TCAIM: variants seen among roughly 807,000 people sequenced by gnomAD.
TCAIM encodes the protein T cell activation inhibitor, mitochondrial.
A neutral mutation model predicts 58.6 loss-of-function variants in TCAIM; 36 were observed. The observed-to-expected ratio is 0.61, with a 90% CI of 0.47 to 0.81. The LOEUF (loss-of-function observed/expected upper bound fraction) is 0.81. Among genes scored for constraint, TCAIM ranks in the 30% least tolerant of loss-of-function variants. The pLI is 0.00. For synonymous variants in TCAIM, 172 were observed against 193.6 expected, an observed-to-expected ratio of 0.89 and a Z score of 0.93; for missense variants, 466 against 579.6, an observed-to-expected ratio of 0.80 and a Z score of 2.01.
intron 4 of TCAIM, among the ~76,000 whole-genome samples, chr3:44,367,170 GGGAT>G (rs1397536791): frequency 5.9e-5 from 9 of 152,186 alleles, no homozygotes; most frequent in African/African-American, 2.2e-4. Context: ...TTGGTGGGCT[GGGAT>G]GGGTTTGGTC....
intron 5 of TCAIM, among the ~76,000 whole-genome samples, chr3:44,374,234 A>G (rs992898781): frequency 2.0e-5 from 3 of 150,854 alleles, no homozygotes; most frequent in African/African-American, 7.3e-5. Context: ...ATTACAAGTG[A>G]TAATGCACAA....
Position 44,346,064 on chromosome 3 carries a change from G to A in TCAIM, c.-45+7230G>A, listed in dbSNP as rs540457999. ...GCTCAAATGGGCTGTACCCTGTAGC[G>A]TCCCGAGGACAGGCCCGAATTCTGA... On this transcript the variant is annotated intron_variant, in intron 1 of 10. Transcript: ENST00000342649. Among the ~76,000 whole-genome samples the A allele has an allele frequency of 1.2e-4, 19 of 152,304 alleles. No homozygotes were observed. The East Asian group carries it at 2.7e-3, about 22-fold the overall frequency.
intron 1 of TCAIM, among the ~76,000 whole-genome samples, chr3:44,343,902 GTAGTT>G (rs769107032): frequency 2.3e-4 from 35 of 151,918 alleles, no homozygotes; most frequent in Non-Finnish European, 4.7e-4. Context: ...TTTCTCAGTA[GTAGTT>G]TAGTTATACT....
At chr3:44,400,210 G>T in intron 8 of TCAIM, 145 bp from the exon 9 acceptor site, 1 of 643,540 alleles carries the variant, frequency 1.6e-6, no homozygotes, top group Non-Finnish European at 2.6e-6. Flanking sequence ...ATTACATTAA[G>T]TTTTTTTATC....
At chr3:44,396,938 G>A in intron 8 of TCAIM, 104 bp downstream of exon 8, 1 of 1,162,780 alleles carries the variant, frequency 8.6e-7, no homozygotes, top group Non-Finnish European at 1.2e-6. Flanking sequence ...TTGTGTTTTT[G>A]TTTTTGTTTT....
intron 3 of TCAIM, among the ~76,000 whole-genome samples, chr3:44,360,176 CT>C (rs893612262): frequency 6.6e-6 from 1 of 152,020 alleles, no homozygotes; most frequent in Admixed American, 6.6e-5. Flanking sequence ...CCCTGCAGTA[CT>C]TGTTTTTTTT....
At chr3:44,366,415 GTA>G (rs1701375140) in intron 4 of TCAIM, among the ~76,000 whole-genome samples, 1 of 141,556 alleles carries the variant, frequency 7.1e-6, no homozygotes, top group Non-Finnish European at 1.5e-5. Flanking sequence ...AGCCTCCCGA[GTA>G]CTTGGGATTA....
chr3:44,373,096 A>G (rs1464417679), intron 5 of TCAIM, among the ~76,000 whole-genome samples: 10 of 152,152 alleles, frequency 6.6e-5, no homozygotes, highest in Admixed American at 3.3e-4. Context: ...ATAAGAAATC[A>G]TAAAAATAAA....
At chr3:44,370,317 G>T (rs925878660) in intron 5 of TCAIM, among the ~76,000 whole-genome samples, 9 of 151,972 alleles carry the variant, frequency 5.9e-5, no homozygotes, top group Admixed American at 2.6e-4. Flanking sequence ...AAAAATTAGC[G>T]TGGTGGTGGG....
intron 5 of TCAIM, among the ~76,000 whole-genome samples, chr3:44,391,602 G>A (rs1701837765): frequency 1.3e-5 from 2 of 152,168 alleles, no homozygotes; most frequent in African/African-American, 2.4e-5. Flanking sequence ...TGATATAGTT[G>A]AGATGAAACT....
At chr3:44,371,827 T>C (rs1449649407) in intron 5 of TCAIM, among the ~76,000 whole-genome samples, 1 of 152,204 alleles carries the variant, frequency 6.6e-6, no homozygotes, top group East Asian at 1.9e-4. Flanking sequence ...TCATAAAAGC[T>C]GGAATGGTAT....
intron 1 of TCAIM, among the ~76,000 whole-genome samples, chr3:44,352,900 AT>A (rs1342179212): frequency 6.7e-6 from 1 of 148,952 alleles, no homozygotes; most frequent in African/African-American, 2.5e-5. Flanking sequence ...ATCATACAGT[AT>A]ACAGCCTTTT....
rs1424047892 is a variant in TCAIM, at chr3:44,357,349, GA to G, written c.30-385del. On this transcript the variant is annotated intron_variant, in intron 2 of 10. Transcript: ENST00000342649. ...CAACAAAGCAAGACTCTGTCTGAAAGAAAAAAAGAGAGAAAGAGATAGATAT... is the reference window on the plus strand; with the variant it reads ...CAACAAAGCAAGACTCTGTCTGAAAGAAAAAAGAGAGAAAGAGATAGATAT... 2.1e-5 allele frequency among the ~76,000 whole-genome samples: 3 copies of G among 145,368 alleles called. No homozygotes were observed. In the East Asian group the frequency reaches 6.2e-4, roughly 30 times the overall value.
chr3:44,383,898 G>C (rs1701694788), intron 5 of TCAIM, among the ~76,000 whole-genome samples: 1 of 150,936 alleles, frequency 6.6e-6, no homozygotes, highest in African/African-American at 2.4e-5. Context: ...CTGGGCAACA[G>C]AGTAAGACCC....
intron 6 of TCAIM, among the ~76,000 whole-genome samples, chr3:44,394,360 AT>A (rs912695506): frequency 2.0e-5 from 3 of 152,168 alleles, no homozygotes; most frequent in Non-Finnish European, 4.4e-5. Context: ...GTTTCTTCCC[AT>A]TCCATAGTCT....
intron 5 of TCAIM, among the ~76,000 whole-genome samples, chr3:44,377,354 T>C (rs1701582068): frequency 6.6e-6 from 1 of 152,122 alleles, no homozygotes; most frequent in Non-Finnish European, 1.5e-5. Context: ...ACCTAATACC[T>C]GATCATCAAA....
rs1320141611 is a variant in TCAIM at position 44,396,515 on chromosome 3, T to C, written c.793+18T>C. On this transcript the variant is annotated intron_variant, in intron 7 of 10. Transcript: ENST00000342649. ...AGCAAAAGGTAAACATTTTCCATTT[T>C]CTTTTAAAAAATCACTTAGCTGCTA... is the stretch of plus-strand genomic sequence containing the variant. 6.2e-7 allele frequency: 1 copy of C among 1,603,052 alleles called. No homozygotes were observed. Among genetic ancestry groups the C allele is most frequent in the African/African-American group, 1.4e-5 (1 of 73,846 alleles).
chr3:44,403,576 ATCGGCTGCTTTT>A (rs1329718821), intron 10 of TCAIM, among the ~76,000 whole-genome samples: 1 of 152,168 alleles, frequency 6.6e-6, no homozygotes, highest in Non-Finnish European at 1.5e-5. Flanking sequence ...GCTATAACCT[ATCGGCTGCTTTT>A]TCTCTTTTTC....
chr3:44,374,756 G>C (rs1433069258), intron 5 of TCAIM, among the ~76,000 whole-genome samples: 1 of 151,902 alleles, frequency 6.6e-6, no homozygotes, highest in Non-Finnish European at 1.5e-5. Flanking sequence ...GTGAGACCCT[G>C]TCTCTCCAAA....
Sources: allele counts gnomAD v4.1 joint callset (sites outside exome capture counted in the v4.1 genomes callset), GRCh38; gene constraint gnomAD v4.1.1; transcripts MANE v1.5; gene names NCBI Gene and HGNC (gene_info 2026-07-23, HGNC 2026-07-21).